FYB1: variants seen among roughly 807,000 people sequenced by gnomAD.
The protein encoded by FYB1 is FYN binding protein 1.
A neutral mutation model predicts 94.1 loss-of-function variants in FYB1; 41 were observed. The observed-to-expected ratio is 0.44, with a 90% CI of 0.34 to 0.57. The LOEUF is 0.57. Ranked by LOEUF, FYB1 falls within the 20% of genes least tolerant of loss-of-function variation. The pLI, the probability that FYB1 is intolerant of heterozygous loss-of-function variation, is 0.02. For missense variants in FYB1, 1,050 were observed against 976.8 expected, an observed-to-expected ratio of 1.07 and a Z score of -1.00; for synonymous variants, 367 against 353.2, an observed-to-expected ratio of 1.04 and a Z score of -0.44.
chr5:39,254,539 G>T (rs1294288423), intron 1 of FYB1, among the ~76,000 whole-genome samples: 1 of 152,146 alleles, frequency 6.6e-6, no homozygotes, highest in Non-Finnish European at 1.5e-5. Flanking sequence ...GCATATATTG[G>T]TTGGCATGAA....
At chr5:39,170,000 G>A (rs1745099476) in intron 2 of FYB1, 1 of 729,774 alleles carries the variant, frequency 1.4e-6, no homozygotes, top group African/African-American at 1.8e-5. Context: ...CACACAAATT[G>A]GGATGAAGGC....
chr5:39,186,342 TG>T (rs1746792647), intron 2 of FYB1, among the ~76,000 whole-genome samples: 1 of 152,154 alleles, frequency 6.6e-6, no homozygotes, highest in Non-Finnish European at 1.5e-5. Flanking sequence ...GAGAATCACT[TG>T]AACCTGGGAA....
chr5:39,270,549 T>A, intron 1 of FYB1: 2 of 1,533,558 alleles, frequency 1.3e-6, no homozygotes, highest in Non-Finnish European at 1.7e-6. Flanking sequence ...CCAAGGAGAG[T>A]TATAAAATCT....
chr5:39,269,983 A>G (rs1752604596), intron 1 of FYB1, among the ~76,000 whole-genome samples: 1 of 152,162 alleles, frequency 6.6e-6, no homozygotes, highest in African/African-American at 2.4e-5. Flanking sequence ...TTATGGGTTA[A>G]AGTAGTGCTG....
chr5:39,193,479 CA>C (rs1747545275), intron 2 of FYB1, among the ~76,000 whole-genome samples: 1 of 152,142 alleles, frequency 6.6e-6, no homozygotes, highest in South Asian at 2.1e-4. Flanking sequence ...GCATAAACTT[CA>C]AAAAGTCATG....
chr5:39,142,000 A>T (rs1475519874), intron 3 of FYB1, among the ~76,000 whole-genome samples: 1 of 152,132 alleles, frequency 6.6e-6, no homozygotes, highest in Non-Finnish European at 1.5e-5. Flanking sequence ...CTTCACTCCA[A>T]CTGCCCTTAA....
At chr5:39,181,652 C>T (rs1005374315) in intron 2 of FYB1, among the ~76,000 whole-genome samples, 2 of 152,116 alleles carry the variant, frequency 1.3e-5, no homozygotes, top group Non-Finnish European at 2.9e-5. Context: ...CATGGTCCTC[C>T]CCTGAATCCT....
At chr5:39,114,923 A>G (rs891152688) in intron 16 of FYB1, among the ~76,000 whole-genome samples, 45 of 152,156 alleles carry the variant, frequency 3.0e-4, no homozygotes, top group Admixed American at 2.9e-3. Flanking sequence ...AATAATGACA[A>G]TGACAGCAGC....
chr5:39,182,776 C>T (rs971779376), intron 2 of FYB1, among the ~76,000 whole-genome samples: 3 of 152,242 alleles, frequency 2.0e-5, no homozygotes, highest in Non-Finnish European at 1.5e-5. Flanking sequence ...CTACTACTTT[C>T]CCTACAACAG....
At chr5:39,163,221 T>C (rs1413514496) in intron 2 of FYB1, among the ~76,000 whole-genome samples, 1 of 152,226 alleles carries the variant, frequency 6.6e-6, no homozygotes, top group Admixed American at 6.5e-5. Flanking sequence ...CCATTGTGAA[T>C]GGGAAATTTT....
chr5:39,258,205 T>A (rs1490526916), intron 1 of FYB1, among the ~76,000 whole-genome samples: 1 of 152,166 alleles, frequency 6.6e-6, no homozygotes, highest in African/African-American at 2.4e-5. Context: ...CTTGATTAAT[T>A]CTCCTAGTGT....
chr5:39,196,788 A>C (rs1397552579), intron 2 of FYB1, among the ~76,000 whole-genome samples: 1 of 152,210 alleles, frequency 6.6e-6, no homozygotes, highest in African/African-American at 2.4e-5. Flanking sequence ...GTGGGAACAC[A>C]GTCTGCGGAA....
At chr5:39,232,816 T>C (rs1036948234) in intron 1 of FYB1, among the ~76,000 whole-genome samples, 1 of 150,518 alleles carries the variant, frequency 6.6e-6, no homozygotes, top group Non-Finnish European at 1.5e-5. Context: ...GAATATGCAG[T>C]GTTTGGCTTT....
At chr5:39,123,610 G>T (rs115624351) in intron 13 of FYB1, among the ~76,000 whole-genome samples, 1,522 of 151,872 alleles carry the variant, frequency 0.01, 16 homozygotes, top group Non-Finnish European at 0.013. Context: ...TCAGATAAAG[G>T]GTCTATAGAA....
chr5:39,222,959 G>C (rs1750331305), upstream of FYB1, among the ~76,000 whole-genome samples: 1 of 151,986 alleles, frequency 6.6e-6, no homozygotes, highest in Non-Finnish European at 1.5e-5. Context: ...GCCTGTTGGG[G>C]GAGGGCAATG....
chr5:39,248,814 A>G (rs835192), intron 1 of FYB1, among the ~76,000 whole-genome samples: 27,290 of 151,962 alleles, frequency 0.18, 6,074 homozygotes, highest in African/African-American at 0.51. Context: ...TCCAGCCTGG[A>G]TGATGAAGTG....
intron 8 of FYB1, 145 bp from the exon 9 acceptor site, chr5:39,134,494 G>C: frequency 1.4e-6 from 1 of 716,638 alleles, no homozygotes; most frequent in Non-Finnish European, 2.2e-6. Flanking sequence ...CTCCCAAGTA[G>C]ACCCAAATTT....
chr5:39,144,429 T>C (rs1742460404), intron 3 of FYB1, among the ~76,000 whole-genome samples: 1 of 152,100 alleles, frequency 6.6e-6, no homozygotes, highest in Admixed American at 6.6e-5. Flanking sequence ...AACTATAGTA[T>C]CCACAAACAA....
rs1752627774 is a variant in FYB1 at position 39,270,487 on chromosome 5, C to A, written c.-28+3916G>T. On this transcript the variant is annotated intron_variant, in intron 1 of 1. Transcript: ENST00000510188. ...GCTCAGAGGACCTGACTGTGAAGCACCCTCAACTCTGACTGTTCTATGCAG... is the reference window on the plus strand; with the variant it reads ...GCTCAGAGGACCTGACTGTGAAGCAACCTCAACTCTGACTGTTCTATGCAG... The A allele has an allele frequency of 2.2e-6, 3 of 1,351,698 alleles. No individual in the cohort carries two copies. In the South Asian group the frequency reaches 4.0e-5, roughly 18 times the overall value. The allele number at this position is 1,351,698 out of a possible 1,614,324, so 83.7% of individuals were successfully genotyped here.
Sources: gnomAD v4.1 joint callset for allele counts (sites outside exome capture counted in the v4.1 genomes callset) on GRCh38, gnomAD v4.1.1 for gene constraint, MANE v1.5 for transcripts, NCBI Gene and HGNC (gene_info 2026-07-23, HGNC 2026-07-21) for gene names.